The following ZNF808 variants were observed in gnomAD, a reference collection of about 807,000 sequenced individuals.
ZNF808 encodes the protein zinc finger protein 808.
A neutral mutation model predicts 8.7 loss-of-function variants in ZNF808; 5 were observed. The observed-to-expected ratio is 0.58, with a 90% CI of 0.30 to 1.21. ZNF808 has a LOEUF of 1.21. ZNF808 is among the 50% of genes most tolerant of loss of function. The probability of loss-of-function intolerance (pLI) is 0.07; values close to 1 mark genes in which losing one functional copy is unlikely to be tolerated. For synonymous variants in ZNF808, 380 were observed against 366.0 expected (o/e 1.04, Z -0.44); for missense variants, 1,103 against 1,098.4 (o/e 1.00, Z -0.06).
At chr19:52,549,890 C>T (rs2059759290) in intron 4 of ZNF808, among the ~76,000 whole-genome samples, 1 of 152,150 alleles carries the variant, frequency 6.6e-6, no homozygotes, top group African/African-American at 2.4e-5. Context: ...TAGGAGGCCG[C>T]TTAAATCAGT....
chr19:52,541,027 C>T (rs1405089451), intron 2 of ZNF808, among the ~76,000 whole-genome samples: 1 of 152,192 alleles, frequency 6.6e-6, no homozygotes, highest in Non-Finnish European at 1.5e-5. Context: ...TCTCAGCTCA[C>T]TGCAACCTCT....
chr19:52,551,432 G>A (rs2059775515), intron 4 of ZNF808, among the ~76,000 whole-genome samples: 1 of 151,018 alleles, frequency 6.6e-6, no homozygotes, highest in South Asian at 2.1e-4. Context: ...TCCATTCTTA[G>A]TTCTTAAAAT....
At chr19:52,536,673 C>G (rs1267462471) in intron 2 of ZNF808, among the ~76,000 whole-genome samples, 1 of 152,082 alleles carries the variant, frequency 6.6e-6, no homozygotes, top group East Asian at 1.9e-4. Context: ...ATGCGGGTGT[C>G]TTACCCCAAA....
intron 3 of ZNF808, among the ~76,000 whole-genome samples, chr19:52,562,808 C>G (rs1049150428): frequency 6.6e-6 from 1 of 151,846 alleles, no homozygotes; most frequent in Non-Finnish European, 1.5e-5. Context: ...GAGTCTTGCC[C>G]TGTTACCCAG....
downstream of ZNF808, among the ~76,000 whole-genome samples, chr19:52,557,990 C>T (rs1398326636): frequency 7.7e-6 from 1 of 129,272 alleles, no homozygotes; most frequent in Non-Finnish European, 1.6e-5. Flanking sequence ...AAATGACTGG[C>T]AAAATGGAGT....
downstream of ZNF808, among the ~76,000 whole-genome samples, chr19:52,557,717 C>A (rs571942141): frequency 1.3e-5 from 2 of 152,142 alleles, no homozygotes; most frequent in South Asian, 4.1e-4. Flanking sequence ...AATTAACTGT[C>A]GGGAATCAAT....
chr19:52,549,911 C>T lies in ZNF808; in HGVS notation c.190+2273C>T, dbSNP rs572385995. Among the ~76,000 whole-genome samples the T allele has an allele frequency of 4.6e-3, 700 of 152,234 alleles. 6 individuals are homozygous for T. The highest frequency in any genetic ancestry group is 0.015 in the African/African-American group (604 of 41,522). ...GCCGCTTAAATCAGTGTGTGCAGGG[C>T]ATCATGACTCAGCACATGATCCATG... On this transcript the variant is annotated intron_variant, in intron 4 of 4. Transcript: ENST00000359798.
chr19:52,561,358 C>T (rs532319850), intron 3 of ZNF808, among the ~76,000 whole-genome samples: 2 of 151,898 alleles, frequency 1.3e-5, no homozygotes, highest in East Asian at 1.9e-4. Flanking sequence ...ATACTTCTTT[C>T]TGTTCTTGTA....
intron 1 of ZNF808, among the ~76,000 whole-genome samples, chr19:52,530,342 G>A (rs998673486): frequency 6.6e-6 from 1 of 152,072 alleles, no homozygotes; most frequent in Non-Finnish European, 1.5e-5. Flanking sequence ...TTCCTGGCGT[G>A]AGCCACCACT....
Position 52,542,871 on chromosome 19 carries a change from C to G in ZNF808, c.-19-395C>G, listed in dbSNP as rs374291083. ...TCGCCCAGGCTGGAGTGCAGTGGCA[C>G]GATCTCGACTCACTGCAACCTCTGC... On this transcript the variant is annotated intron_variant, in intron 2 of 4. Transcript: ENST00000359798. 7.3e-5 allele frequency among the ~76,000 whole-genome samples: 11 copies of G among 151,474 alleles called. No homozygotes were observed. In the East Asian group the frequency reaches 1.6e-3, roughly 21 times the overall value.
rs1410600328 is a variant in ZNF808 at position 52,553,856 on chromosome 19, C to A, written c.940C>A (p.Pro314Thr). 5 of 1,614,102 alleles carry A rather than the reference C, an allele frequency of 3.1e-6. No individual in the cohort carries two copies. The South Asian group carries it at 5.5e-5, about 18-fold the overall frequency. The change falls in exon 5 of 5, where the codon CCT becomes ACT. Residue 314 changes from proline to threonine, a missense_variant. Physicochemically the swap from Pro to Thr is conservative, Grantham distance 38. Transcript: ENST00000359798. ...TCATAGACTTCATACTGGAGTAAAA[C>A]CTTACAAGTGTAATGAGTGTGGCAA... ...CHHRLHTGVKPYKCNECGKVF... is the reference protein window; with the variant it reads ...CHHRLHTGVKTYKCNECGKVF...
chr19:52,553,405 T>C lies in ZNF808; in HGVS notation c.489T>C (p.His163=), dbSNP rs1246619674. 1 of 1,614,190 alleles carries C rather than the reference T, an allele frequency of 6.2e-7. No homozygotes were observed. The highest frequency in any genetic ancestry group is 8.5e-7 in the Non-Finnish European group (1 of 1,180,026). ...AGCTTGGATCAAGCTTTTATTCACA[T>C]CTGCCTGAACTCCACATATTTCAGA... The part of the protein sequence containing the change: ...KDQLGSSFYS[H]LPELHIFQIK... The change falls in exon 5 of 5, where the codon CAT becomes CAC. Residue 163 remains histidine, a synonymous_variant. Coordinates refer to ENST00000359798, the MANE Select transcript of ZNF808 (RefSeq NM_001039886.4).
In ZNF808 at chr19:52,541,771, C is replaced by T. The variant is rs143150477; in HGVS notation, c.-19-1495C>T. Reference sequence around the variant, plus strand: ...CTTATCATCTCACAGCTTTAACCCACTTACACGACTCCATGTCCCCTGCAG... The same window carrying T: ...CTTATCATCTCACAGCTTTAACCCATTTACACGACTCCATGTCCCCTGCAG... On this transcript the variant is annotated intron_variant, in intron 2 of 4. Coordinates refer to ENST00000359798, the MANE Select transcript of ZNF808 (RefSeq NM_001039886.4). 3.9e-3 allele frequency among the ~76,000 whole-genome samples: 587 copies of T among 152,216 alleles called. 2 individuals carry two copies. The highest frequency in any genetic ancestry group is 0.013 in the African/African-American group (560 of 41,534).
In ZNF808 at chr19:52,531,201, C is replaced by T. The variant is rs184957006; in HGVS notation, c.-121-1707C>T. 9.3e-4 allele frequency among the ~76,000 whole-genome samples: 142 copies of T among 152,208 alleles called. 1 individual carries two copies. The highest frequency in any genetic ancestry group is 6.8e-3 in the Middle Eastern group (2 of 294). ...TATAAGCAGTAGTCCTGGCCATGTT[C>T]GGTGGCTCACACTTGTAATTCCAGC... On this transcript the variant is annotated intron_variant, in intron 1 of 4. Coordinates refer to ENST00000359798, the MANE Select transcript of ZNF808 (RefSeq NM_001039886.4).
intron 1 of ZNF808, chr19:52,527,949 G>A (rs1459295405): frequency 6.6e-6 from 1 of 152,350 alleles, no homozygotes; most frequent in Non-Finnish European, 1.5e-5. Flanking sequence ...TTTCTATTGC[G>A]TAGTTTTTCT....
chr19:52,541,983 G>A (rs551731128), intron 2 of ZNF808, among the ~76,000 whole-genome samples: 26 of 152,286 alleles, frequency 1.7e-4, no homozygotes, highest in African/African-American at 6.0e-4. Flanking sequence ...AAACTTGACA[G>A]CATGTATTTT....
intron 2 of ZNF808, among the ~76,000 whole-genome samples, chr19:52,541,758 C>G (rs1005810128): frequency 1.3e-5 from 2 of 152,038 alleles, no homozygotes; most frequent in African/African-American, 4.8e-5. Flanking sequence ...TATCATCTCA[C>G]AGCTTTAACC....
chr19:52,568,748 A>C (rs1178205976), downstream of ZNF808, among the ~76,000 whole-genome samples: 2 of 152,162 alleles, frequency 1.3e-5, no homozygotes, highest in Non-Finnish European at 2.9e-5. Context: ...TATAATTAAT[A>C]ATGTATTCTA....
downstream of ZNF808, among the ~76,000 whole-genome samples, chr19:52,568,372 C>CCAAAA (rs71335658): frequency 0.07 from 10,646 of 152,010 alleles, 388 homozygotes; most frequent in Middle Eastern, 0.15. Context: ...GGACGCCTTC[C>CCAAAA]CAAAACAAAA....
Sources: allele counts gnomAD v4.1 joint callset (sites outside exome capture counted in the v4.1 genomes callset), GRCh38; gene constraint gnomAD v4.1.1; transcripts MANE v1.5; gene names NCBI Gene and HGNC (gene_info 2026-07-23, HGNC 2026-07-21).